ACBD6: variants seen among roughly 807,000 people sequenced by gnomAD.
ACBD6 encodes acyl-CoA-binding domain-containing protein 6.
ACBD6 carries 28 observed loss-of-function variants against 37.2 expected under a neutral mutation model. That is an observed-to-expected ratio of 0.75 (90% CI 0.56 to 1.03). The LOEUF is 1.03. ACBD6 is among the 50% of genes least tolerant of loss of function. ACBD6 has a pLI of 0.00. For synonymous variants in ACBD6, 113 were observed against 126.8 expected (o/e 0.89, Z 0.73); for missense variants, 340 against 337.4 (o/e 1.01, Z -0.06).
At chr1:180,279,861 A>ATTTC (rs1649255913) in intron 9 of ACBD6, among the ~76,000 whole-genome samples, 1 of 151,870 alleles carries the variant, frequency 6.6e-6, no homozygotes, top group African/African-American at 2.4e-5. Context: ...AAGTCATAGC[A>ATTTC]TTTCTTTACA....
chr1:180,362,745 T>TA (rs1328351505), intron 6 of ACBD6, among the ~76,000 whole-genome samples: 2 of 152,134 alleles, frequency 1.3e-5, no homozygotes, highest in Non-Finnish European at 2.9e-5. Context: ...TCAACACTGG[T>TA]AAAAATACTA....
intron 3 of ACBD6, among the ~76,000 whole-genome samples, chr1:180,461,836 C>T (rs1650160804): frequency 6.6e-6 from 1 of 152,156 alleles, no homozygotes; most frequent in Non-Finnish European, 1.5e-5. Context: ...CTGAAGTACA[C>T]AGACCAGTGA....
At chr1:180,330,510 A>G (rs1194801426) in intron 6 of ACBD6, among the ~76,000 whole-genome samples, 1 of 152,252 alleles carries the variant, frequency 6.6e-6, no homozygotes, top group Non-Finnish European at 1.5e-5. Flanking sequence ...GTGATCAAAT[A>G]TAAATGGGCA....
At chr1:180,285,318 C>T (rs1649450232), downstream of ACBD6, among the ~76,000 whole-genome samples, 1 of 152,138 alleles carries the variant, frequency 6.6e-6, no homozygotes, top group Non-Finnish European at 1.5e-5. Flanking sequence ...GAGAACTGCA[C>T]TCTAGCCTGG....
downstream of ACBD6, among the ~76,000 whole-genome samples, chr1:180,287,857 CTTTG>C (rs1379216172): frequency 6.6e-6 from 1 of 152,100 alleles, no homozygotes; most frequent in Admixed American, 6.6e-5. Context: ...TTCTCCTTTG[CTTTG>C]TTTTTCTTAA....
exon 14 of ACBD6, chr1:180,271,577 C>T (rs762696432): frequency 6.2e-6 from 10 of 1,610,342 alleles, no homozygotes; most frequent in East Asian, 4.5e-5. Flanking sequence ...ATCCCAGGCC[C>T]GGGACAGGGG....
At chr1:180,441,735 T>C (rs1009316170) in intron 3 of ACBD6, among the ~76,000 whole-genome samples, 1 of 152,232 alleles carries the variant, frequency 6.6e-6, no homozygotes, top group African/African-American at 2.4e-5. Flanking sequence ...TGATCTTATA[T>C]CTTGTAACTT....
At chr1:180,390,159 C>T (rs1463964527) in intron 6 of ACBD6, among the ~76,000 whole-genome samples, 2 of 151,994 alleles carry the variant, frequency 1.3e-5, no homozygotes, top group Admixed American at 6.6e-5. Flanking sequence ...GTCTTTAATC[C>T]ACCTTGAATT....
At chr1:180,442,306 C>A (rs4652502) in intron 3 of ACBD6, among the ~76,000 whole-genome samples, 144,851 of 151,930 alleles carry the variant, frequency 0.95, 69,109 homozygotes, top group African/African-American at 0.99. Context: ...TTTTTTTGCC[C>A]TCTCCATCCA....
chr1:180,433,998 A>T (rs547794798), intron 3 of ACBD6, among the ~76,000 whole-genome samples: 2 of 152,154 alleles, frequency 1.3e-5, no homozygotes, highest in Admixed American at 1.3e-4. Context: ...CCCTTCCTCC[A>T]TGCCTCACCC....
chr1:180,499,488 G>C (rs1422578474), intron 1 of ACBD6, among the ~76,000 whole-genome samples: 1 of 152,158 alleles, frequency 6.6e-6, no homozygotes, highest in Non-Finnish European at 1.5e-5. Context: ...GTATACCTGA[G>C]ACAAAATGGT....
At chr1:180,458,822 A>T (rs1650019613) in intron 3 of ACBD6, among the ~76,000 whole-genome samples, 1 of 152,218 alleles carries the variant, frequency 6.6e-6, no homozygotes, top group Admixed American at 6.5e-5. Context: ...AAAAACTTAG[A>T]TTTAAATAAT....
chr1:180,418,944 T>C (rs1648226659), intron 4 of ACBD6, among the ~76,000 whole-genome samples: 3 of 152,234 alleles, frequency 2.0e-5, no homozygotes, highest in Admixed American at 2.0e-4. Flanking sequence ...TTTTGTGTGT[T>C]GTGCTGTTCT....
At chr1:180,348,320 C>G (rs1426420294) in intron 6 of ACBD6, among the ~76,000 whole-genome samples, 1 of 152,108 alleles carries the variant, frequency 6.6e-6, no homozygotes, top group Non-Finnish European at 1.5e-5. Context: ...AGAGAAGCGA[C>G]AAGAGCTCTG....
intron 3 of ACBD6, among the ~76,000 whole-genome samples, chr1:180,442,375 C>A (rs61811603): frequency 0.017 from 2,532 of 152,138 alleles, 40 homozygotes; most frequent in Non-Finnish European, 0.02. Context: ...GTGCTATTGA[C>A]ATCTAGTGAA....
intron 3 of ACBD6, among the ~76,000 whole-genome samples, chr1:180,443,779 A>ATTTTTTTT (rs71121019): frequency 7.5e-6 from 1 of 134,102 alleles, no homozygotes; most frequent in Admixed American, 7.5e-5. Context: ...CGCCCAGCTA[A>ATTTTTTTT]TTTTTTTTTT....
chr1:180,306,893 G>T (rs568158159), intron 7 of ACBD6, among the ~76,000 whole-genome samples: 1 of 152,306 alleles, frequency 6.6e-6, no homozygotes, highest in East Asian at 1.9e-4. Context: ...GGGAGCCCTT[G>T]TACACCATTG....
Position 180,397,606 on chromosome 1 carries a change from C to A in ACBD6, c.574-1G>T, listed in dbSNP as rs1654312851. The A allele has an allele frequency of 6.2e-7, 1 of 1,611,736 alleles. No homozygotes were observed. Among genetic ancestry groups the A allele is most frequent in the Admixed American group, 1.7e-5 (1 of 60,004 alleles). On this transcript the variant is annotated splice_acceptor_variant, in intron 5 of 7. Coordinates refer to ENST00000367595, the MANE Select transcript of ACBD6 (RefSeq NM_032360.4). LOFTEE classifies it high-confidence loss of function. ...AGGCCCAGTGAAGTAGAGCCCTACC[C>A]TAAAAACACAGAAGATAAATGAATT...
At chr1:180,449,049 A>G (rs561687948) in intron 3 of ACBD6, among the ~76,000 whole-genome samples, 1 of 152,012 alleles carries the variant, frequency 6.6e-6, no homozygotes, top group African/African-American at 2.4e-5. Context: ...GAATAGGAAT[A>G]CACAAATAAA....
Sources: allele counts gnomAD v4.1 joint callset (sites outside exome capture counted in the v4.1 genomes callset), GRCh38; gene constraint gnomAD v4.1.1; transcripts MANE v1.5; gene names NCBI Gene and HGNC (gene_info 2026-07-23, HGNC 2026-07-21).